The following CSMD3 variants were observed in gnomAD, a reference collection of about 807,000 sequenced individuals.
CSMD3 encodes the protein CUB and sushi domain-containing protein 3.
In CSMD3, 177 loss-of-function variants were observed where a neutral mutation model predicts 435.2. The ratio of observed to expected loss-of-function variants is 0.41; its 90% CI spans 0.36 to 0.46. CSMD3 has a LOEUF of 0.46. Among genes scored for constraint, CSMD3 ranks in the 20% least tolerant of loss-of-function variants. The pLI is 0.34. For missense variants in CSMD3, 4,265 were observed against 4,504.6 expected, an observed-to-expected ratio of 0.95 and a Z score of 1.52; for synonymous variants, 1,656 against 1,520.5, an observed-to-expected ratio of 1.09 and a Z score of -2.07.
intron 4 of CSMD3, among the ~76,000 whole-genome samples, chr8:113,131,245 C>T (rs909472259): frequency 2.0e-5 from 3 of 152,174 alleles, no homozygotes; most frequent in Admixed American, 1.3e-4. Context: ...TAACAGTCAA[C>T]ACAAGGGGGA....
rs145224390 is a variant in CSMD3, at chr8:112,307,595, T to C, written c.7886-1403A>G. 9.4e-4 allele frequency among the ~76,000 whole-genome samples: 143 copies of C among 152,272 alleles called. 2 individuals carry two copies. The East Asian group carries it at 0.022, about 23-fold the overall frequency. On this transcript the variant is annotated intron_variant, in intron 50 of 70. Transcript: ENST00000297405. ...ACTGCATCTGGCCCTATGTGTATCT[T>C]TATATATCACTCTCAGAGTAAATAT...
intron 1 of CSMD3, among the ~76,000 whole-genome samples, chr8:113,422,133 G>A (rs11985190): frequency 0.018 from 2,755 of 152,216 alleles, 94 homozygotes; most frequent in African/African-American, 0.061. Context: ...CCTCTATGAA[G>A]AGGGTATTTA....
intron 13 of CSMD3, among the ~76,000 whole-genome samples, chr8:112,718,535 A>G (rs2076786416): frequency 6.7e-6 from 1 of 149,988 alleles, no homozygotes; most frequent in African/African-American, 2.4e-5. Flanking sequence ...ATATATATAT[A>G]TGCATAAAGG....
intron 13 of CSMD3, among the ~76,000 whole-genome samples, chr8:112,755,309 C>T (rs1176519367): frequency 3.4e-5 from 5 of 149,014 alleles, no homozygotes; most frequent in East Asian, 2.0e-4. Flanking sequence ...CTAGCCTGGG[C>T]GACGGAGGGA....
At chr8:113,122,945 A>G (rs1458474886) in intron 4 of CSMD3, among the ~76,000 whole-genome samples, 1 of 152,002 alleles carries the variant, frequency 6.6e-6, no homozygotes, top group Non-Finnish European at 1.5e-5. Flanking sequence ...ATAAGGCAAA[A>G]AAAAAAAAGG....
intron 36 of CSMD3, among the ~76,000 whole-genome samples, chr8:112,385,140 G>A (rs966569284): frequency 1.3e-5 from 2 of 152,118 alleles, no homozygotes; most frequent in Non-Finnish European, 2.9e-5. Context: ...CAAAAGAGTA[G>A]AGTACAGTAG....
At chr8:112,911,876 C>T (rs2082428564) in intron 10 of CSMD3, among the ~76,000 whole-genome samples, 1 of 123,524 alleles carries the variant, frequency 8.1e-6, no homozygotes, top group African/African-American at 3.0e-5. Context: ...TTATGTATAA[C>T]ATTATGAGAA....
chr8:112,885,659 T>C (rs1037276361), intron 10 of CSMD3, among the ~76,000 whole-genome samples: 1 of 151,742 alleles, frequency 6.6e-6, no homozygotes, highest in African/African-American at 2.4e-5. Flanking sequence ...TTAATGACAA[T>C]GATGCTGGGT....
chr8:112,420,037 A>AT (rs546400449), intron 32 of CSMD3, among the ~76,000 whole-genome samples: 81 of 151,542 alleles, frequency 5.3e-4, no homozygotes, highest in African/African-American at 1.5e-3. Flanking sequence ...CACCTTTCAT[A>AT]TTTTTTTTTA....
chr8:112,714,800 A>G (rs2076687481), intron 13 of CSMD3, among the ~76,000 whole-genome samples: 1 of 152,212 alleles, frequency 6.6e-6, no homozygotes, highest in Non-Finnish European at 1.5e-5. Flanking sequence ...ATGGAAATTG[A>G]ATAACCTGCT....
intron 61 of CSMD3, among the ~76,000 whole-genome samples, chr8:112,257,207 G>A (rs999989089): frequency 6.6e-6 from 1 of 152,126 alleles, no homozygotes; most frequent in Admixed American, 6.6e-5. Flanking sequence ...ACAAGACAAG[G>A]ATGCTCTCTC....
At chr8:112,245,020 T>A (rs117885771) in intron 64 of CSMD3, among the ~76,000 whole-genome samples, 29,896 of 151,796 alleles carry the variant, frequency 0.2, 3,548 homozygotes, top group East Asian at 0.36. Flanking sequence ...AAATGTATTA[T>A]ATTTATTTTA....
intron 37 of CSMD3, 137 bp from the exon 38 acceptor site, chr8:112,380,593 T>C: frequency 1.6e-6 from 1 of 625,922 alleles, no homozygotes; most frequent in African/African-American, 1.8e-5. Flanking sequence ...AAAAATTTAA[T>C]AGAAATATTT....
chr8:112,667,904 C>T (rs2075563452), intron 16 of CSMD3, among the ~76,000 whole-genome samples: 1 of 152,072 alleles, frequency 6.6e-6, no homozygotes, highest in Admixed American at 6.6e-5. Context: ...TTCTGTTTTG[C>T]CTTACAGAAT....
intron 4 of CSMD3, among the ~76,000 whole-genome samples, chr8:113,154,598 G>A (rs991873439): frequency 1.3e-5 from 2 of 151,902 alleles, no homozygotes; most frequent in Non-Finnish European, 2.9e-5. Context: ...TTGTATTCAG[G>A]GCAGTAGAAG....
intron 4 of CSMD3, among the ~76,000 whole-genome samples, chr8:113,119,067 T>A (rs902774931): frequency 1.3e-5 from 2 of 152,208 alleles, no homozygotes; most frequent in Non-Finnish European, 2.9e-5. Context: ...ACTTTTAGTA[T>A]AATTTGAAGA....
At chr8:113,325,632 T>A (rs1411896677) in intron 1 of CSMD3, among the ~76,000 whole-genome samples, 1 of 152,144 alleles carries the variant, frequency 6.6e-6, no homozygotes, top group Admixed American at 6.5e-5. Flanking sequence ...CTATTCCTCA[T>A]CCCGTAATTC....
chr8:113,009,475 A>G (rs1052558290), intron 6 of CSMD3, among the ~76,000 whole-genome samples: 3 of 151,828 alleles, frequency 2.0e-5, no homozygotes, highest in African/African-American at 7.2e-5. Context: ...TCTGTTTTCC[A>G]ATCTTAGCTT....
chr8:113,355,429 C>A (rs1479800672), intron 1 of CSMD3, among the ~76,000 whole-genome samples: 1 of 151,884 alleles, frequency 6.6e-6, no homozygotes, highest in Admixed American at 6.6e-5. Context: ...TATCAAGATG[C>A]CAGAAAATTC....
Sources: allele counts gnomAD v4.1 joint callset (sites outside exome capture counted in the v4.1 genomes callset), GRCh38; gene constraint gnomAD v4.1.1; transcripts MANE v1.5; gene names NCBI Gene and HGNC (gene_info 2026-07-23, HGNC 2026-07-21).